FBXW11: variants seen among roughly 807,000 people sequenced by gnomAD.
The protein encoded by FBXW11 is F-box/WD repeat-containing protein 11.
In FBXW11, 19 loss-of-function variants were observed where a neutral mutation model predicts 77.6. The observed-to-expected ratio is 0.24, with a 90% CI of 0.17 to 0.36. FBXW11 has a LOEUF of 0.36. Ranked by LOEUF, FBXW11 falls within the 10% of genes least tolerant of loss-of-function variation. The probability of loss-of-function intolerance (pLI) is 1.00; values close to 1 mark genes in which losing one functional copy is unlikely to be tolerated. For missense variants in FBXW11, 334 were observed against 704.2 expected (o/e 0.47, Z 5.95); for synonymous variants, 235 against 249.4 (o/e 0.94, Z 0.54).
At chr5:171,925,427 C>CA (rs1761836934) in intron 2 of FBXW11, among the ~76,000 whole-genome samples, 1 of 152,164 alleles carries the variant, frequency 6.6e-6, no homozygotes, top group African/African-American at 2.4e-5. Context: ...AACAAACAAA[C>CA]AAACAAAAAA....
At chr5:171,964,976 G>T (rs1476155203) in intron 1 of FBXW11, among the ~76,000 whole-genome samples, 1 of 152,042 alleles carries the variant, frequency 6.6e-6, no homozygotes, top group Non-Finnish European at 1.5e-5. Flanking sequence ...ATATCACAGG[G>T]TATATTCAGG....
chr5:171,918,082 G>T (rs1295026836), intron 2 of FBXW11, among the ~76,000 whole-genome samples: 1 of 151,868 alleles, frequency 6.6e-6, no homozygotes, highest in Admixed American at 6.6e-5. Flanking sequence ...GGAGACAAAG[G>T]AAACACCCAC....
At chr5:171,962,855 C>T (rs1159665024) in intron 1 of FBXW11, among the ~76,000 whole-genome samples, 1 of 152,122 alleles carries the variant, frequency 6.6e-6, no homozygotes, top group Non-Finnish European at 1.5e-5. Flanking sequence ...CTCAAAGAAG[C>T]AGTTCTTTTA....
chr5:171,974,728 T>C (rs1764725996), intron 1 of FBXW11, among the ~76,000 whole-genome samples: 1 of 152,116 alleles, frequency 6.6e-6, no homozygotes, highest in Non-Finnish European at 1.5e-5. Context: ...AGACCTCATC[T>C]CTTAAAAACA....
chr5:171,912,338 C>G (rs561770286), intron 3 of FBXW11, among the ~76,000 whole-genome samples: 22 of 152,222 alleles, frequency 1.4e-4, no homozygotes, highest in Non-Finnish European at 2.4e-4. Flanking sequence ...CAGGGGGAAG[C>G]ATTGAACAAG....
intron 1 of FBXW11, among the ~76,000 whole-genome samples, chr5:172,003,645 T>C (rs1210895100): frequency 1.3e-5 from 2 of 152,152 alleles, no homozygotes; most frequent in South Asian, 2.1e-4. Flanking sequence ...CTGAATCCTA[T>C]AGAGTGGGTC....
intron 4 of FBXW11, among the ~76,000 whole-genome samples, chr5:171,901,880 G>C (rs181131316): frequency 1.3e-3 from 196 of 152,288 alleles, no homozygotes; most frequent in Non-Finnish European, 2.1e-3. Flanking sequence ...ACACCCAGAA[G>C]AGTGGGTATT....
chr5:171,922,030 C>A (rs949149065), intron 2 of FBXW11, among the ~76,000 whole-genome samples: 3 of 147,750 alleles, frequency 2.0e-5, no homozygotes, highest in Non-Finnish European at 4.5e-5. Flanking sequence ...AGTCACCACA[C>A]CAAGCAACAG....
At chr5:171,870,611 T>G in intron 11 of FBXW11, 137 bp downstream of exon 11, 1 of 609,388 alleles carries the variant, frequency 1.6e-6, no homozygotes, top group Non-Finnish European at 2.9e-6. Context: ...AAACAACAGG[T>G]ATAATAATAC....
At chr5:171,870,388 AACACACAC>A (rs10555447) in intron 11 of FBXW11, among the ~76,000 whole-genome samples, 1 of 150,410 alleles carries the variant, frequency 6.6e-6, no homozygotes, top group Non-Finnish European at 1.5e-5. Flanking sequence ...TTGTTGAACG[AACACACAC>A]ACACACACAC....
intron 2 of FBXW11, among the ~76,000 whole-genome samples, chr5:171,955,809 A>G (rs1015100234): frequency 2.3e-4 from 35 of 151,816 alleles, no homozygotes; most frequent in Non-Finnish European, 5.0e-4. Context: ...ATAAGACCCA[A>G]TCAAGGCAAA....
intron 1 of FBXW11, among the ~76,000 whole-genome samples, chr5:171,967,368 A>C (rs190902356): frequency 5.7e-4 from 87 of 152,370 alleles, no homozygotes; most frequent in Admixed American, 6.5e-4. Flanking sequence ...CCATAAGACA[A>C]ACTATTGTGT....
At position 171,869,559 on chromosome 5, in the gene FBXW11, T is replaced by C. The variant is rs1405645795; in HGVS notation, c.1530+170A>G. Among the ~76,000 whole-genome samples, 1 of 152,218 alleles carries C rather than the reference T, an allele frequency of 6.6e-6. No homozygotes were observed. Among genetic ancestry groups the C allele is most frequent in the Admixed American group, 6.5e-5 (1 of 15,292 alleles). ...CCCCTTAGGAAAGTGCTCACAGTAA[T>C]GTAAACATCAAATATTCTCTGGTTT... On this transcript the variant is annotated intron_variant, in intron 12 of 13. Transcript: ENST00000517395. The surrounding 1 kb of genome is among the most constrained non-coding windows in gnomAD (Gnocchi z 4.1).
chr5:171,973,848 CTATT>C (rs1431737297), intron 1 of FBXW11, among the ~76,000 whole-genome samples: 18 of 152,108 alleles, frequency 1.2e-4, no homozygotes, highest in African/African-American at 4.3e-4. Flanking sequence ...TAAAAATAGA[CTATT>C]AATTTAAAAT....
chr5:172,003,719 A>G (rs913959808), intron 1 of FBXW11, among the ~76,000 whole-genome samples: 1 of 152,218 alleles, frequency 6.6e-6, no homozygotes, highest in African/African-American at 2.4e-5. Flanking sequence ...AGTGGGGGTT[A>G]TATTTTAGAA....
intron 1 of FBXW11, among the ~76,000 whole-genome samples, chr5:171,992,237 G>A (rs1387223460): frequency 2.0e-5 from 3 of 151,844 alleles, no homozygotes; most frequent in Non-Finnish European, 4.4e-5. Context: ...AGACCAGCCT[G>A]GCCAACATAG....
At chr5:171,890,786 G>A (rs768456367) in intron 7 of FBXW11, among the ~76,000 whole-genome samples, 6 of 152,126 alleles carry the variant, frequency 3.9e-5, no homozygotes, top group African/African-American at 7.2e-5. Context: ...GATAAGAAAC[G>A]GGCAGGACAA....
intron 1 of FBXW11, among the ~76,000 whole-genome samples, chr5:171,971,471 A>AT (rs1372112867): frequency 6.6e-6 from 1 of 151,836 alleles, no homozygotes; most frequent in African/African-American, 2.4e-5. Flanking sequence ...TTTTTGTCCT[A>AT]TTTTTCCTTT....
chr5:171,878,591 T>TGTGTGTGTGTGTGTGTGTG (rs1561640265), intron 7 of FBXW11, among the ~76,000 whole-genome samples: 3 of 95,476 alleles, frequency 3.1e-5, no homozygotes, highest in African/African-American at 8.6e-5. Context: ...TGTGTGTGTG[T>TGTGTGTGTGTGTGTGTGTG]AAGAGAGAGA....
Sources: allele counts gnomAD v4.1 joint callset (sites outside exome capture counted in the v4.1 genomes callset), GRCh38; gene constraint gnomAD v4.1.1; non-coding constraint Gnocchi (gnomAD v3.1); transcripts MANE v1.5; gene names NCBI Gene and HGNC (gene_info 2026-07-23, HGNC 2026-07-21).